Variants in SNX29 observed in about 807,000 individuals in gnomAD.
The protein encoded by SNX29 is sorting nexin 29.
A neutral mutation model predicts 102.1 loss-of-function variants in SNX29; 78 were observed. The observed-to-expected ratio is 0.76, with a 90% CI of 0.64 to 0.92. The LOEUF is 0.92. SNX29 is among the 40% of genes least tolerant of loss of function. The pLI is 0.00. For missense variants in SNX29, 1,280 were observed against 1,061.7 expected (o/e 1.21, Z -2.86); for synonymous variants, 580 against 414.5 (o/e 1.40, Z -4.85).
chr16:12,483,114 GTTTTT>G (rs574090459), intron 19 of SNX29, among the ~76,000 whole-genome samples: 13 of 66,214 alleles, frequency 2.0e-4, no homozygotes, highest in Admixed American at 6.2e-4. Context: ...AAGTTATTAA[GTTTTT>G]TTTTTTTTTT....
intron 20 of SNX29, chr16:12,556,610 G>A (rs955260864): frequency 7.2e-5 from 11 of 152,310 alleles, no homozygotes; most frequent in Admixed American, 2.6e-4. Flanking sequence ...TCTGAGGAAG[G>A]GTCAAGGCAA....
chr16:12,490,175 A>C (rs1179768599), intron 19 of SNX29, among the ~76,000 whole-genome samples: 1 of 152,182 alleles, frequency 6.6e-6, no homozygotes, highest in Non-Finnish European at 1.5e-5. Flanking sequence ...ATGGATTTTC[A>C]CAAAATGAAC....
At chr16:12,325,583 T>C (rs1234627494) in intron 15 of SNX29, among the ~76,000 whole-genome samples, 3 of 152,222 alleles carry the variant, frequency 2.0e-5, no homozygotes, top group Non-Finnish European at 4.4e-5. Flanking sequence ...GTGAAGCAGA[T>C]AAAATGCATT....
intron 18 of SNX29, among the ~76,000 whole-genome samples, chr16:12,429,185 A>G (rs2085210610): frequency 6.6e-6 from 1 of 152,260 alleles, no homozygotes; most frequent in Non-Finnish European, 1.5e-5. Context: ...TAGTCCCACC[A>G]CACAGATATG....
intron 18 of SNX29, among the ~76,000 whole-genome samples, chr16:12,468,039 G>A (rs1318946437): frequency 3.3e-5 from 5 of 151,790 alleles, no homozygotes; most frequent in Admixed American, 6.6e-5. Flanking sequence ...TGGATCCCTC[G>A]TCCTCCCTGC....
chr16:12,457,881 G>T (rs560760270), intron 18 of SNX29, among the ~76,000 whole-genome samples: 1 of 152,208 alleles, frequency 6.6e-6, no homozygotes, highest in Non-Finnish European at 1.5e-5. Context: ...ATTTGATTGC[G>T]TGGGGAGACA....
intron 15 of SNX29, among the ~76,000 whole-genome samples, chr16:12,298,546 T>G (rs2080056345): frequency 6.6e-6 from 1 of 152,240 alleles, no homozygotes; most frequent in Non-Finnish European, 1.5e-5. Context: ...CTCCTAGTGT[T>G]ACTGTGAAGA....
chr16:12,540,219 T>G (rs923768901), intron 20 of SNX29, among the ~76,000 whole-genome samples: 16 of 152,278 alleles, frequency 1.1e-4, no homozygotes, highest in African/African-American at 3.9e-4. Context: ...AAGGTTAACC[T>G]ACTTCCTGTG....
At chr16:12,309,806 G>A (rs1234985010) in intron 15 of SNX29, among the ~76,000 whole-genome samples, 1 of 152,210 alleles carries the variant, frequency 6.6e-6, no homozygotes, top group Non-Finnish European at 1.5e-5. Context: ...AGAAAGGGCA[G>A]TGGAGTTGAA....
chr16:12,314,188 G>A (rs528960562), intron 15 of SNX29, among the ~76,000 whole-genome samples: 9 of 152,250 alleles, frequency 5.9e-5, no homozygotes, highest in Non-Finnish European at 1.2e-4. Context: ...TTGTACAGCT[G>A]GGGTCTTTCT....
intron 16 of SNX29, chr16:12,375,377 G>A (rs902140976): frequency 1.3e-5 from 2 of 152,208 alleles, no homozygotes; most frequent in Non-Finnish European, 2.9e-5. Flanking sequence ...AGAGGAAAAA[G>A]GACATTTGGC....
intron 3 of SNX29, among the ~76,000 whole-genome samples, chr16:12,027,045 CTGTTCCCA>C (rs1365176105): frequency 1.2e-4 from 19 of 152,194 alleles, no homozygotes; most frequent in Non-Finnish European, 4.4e-5. Context: ...GCACCCGTCC[CTGTTCCCA>C]TGTTCCTTGT....
intron 3 of SNX29, among the ~76,000 whole-genome samples, chr16:12,021,443 T>C (rs2057018040): frequency 6.6e-6 from 1 of 151,512 alleles, no homozygotes; most frequent in African/African-American, 2.4e-5. Flanking sequence ...AAAAATCAAG[T>C]AAATAGGTCT....
At chr16:12,362,570 C>T (rs1456738254) in intron 16 of SNX29, among the ~76,000 whole-genome samples, 4 of 78,278 alleles carry the variant, frequency 5.1e-5, no homozygotes, top group Non-Finnish European at 9.2e-5. Context: ...CCACCCCCCC[C>T]CCCACCAGTT....
intron 18 of SNX29, among the ~76,000 whole-genome samples, chr16:12,435,895 A>G (rs1236395185): frequency 6.6e-6 from 1 of 152,116 alleles, no homozygotes; most frequent in Non-Finnish European, 1.5e-5. Context: ...GGATGGCAGG[A>G]AGCAGAGCTA....
At chr16:12,461,970 AAAAAAAAAATATATATAT>A (rs1257212936) in intron 18 of SNX29, among the ~76,000 whole-genome samples, 21 of 68,438 alleles carry the variant, frequency 3.1e-4, no homozygotes, top group African/African-American at 1.6e-3. Context: ...AAAAAAAAAA[AAAAAAAAAATATATATAT>A]ATATATATAT....
At chr16:12,059,154 T>C (rs1050137823) in intron 8 of SNX29, among the ~76,000 whole-genome samples, 3 of 152,172 alleles carry the variant, frequency 2.0e-5, no homozygotes, top group African/African-American at 7.2e-5. Context: ...GGGGCCTGGC[T>C]TCACCTTGTA....
intron 18 of SNX29, among the ~76,000 whole-genome samples, chr16:12,424,745 C>G (rs2084993608): frequency 6.6e-6 from 1 of 152,178 alleles, no homozygotes; most frequent in South Asian, 2.1e-4. Flanking sequence ...CAGACAGTAT[C>G]TTCTCCTCCG....
chr16:12,328,441 TCA>T (rs923336100), intron 15 of SNX29, among the ~76,000 whole-genome samples: 2 of 152,200 alleles, frequency 1.3e-5, no homozygotes, highest in African/African-American at 4.8e-5. Context: ...ACAATATTTT[TCA>T]CAGTGTTAAC....
Sources: gnomAD v4.1 joint callset for allele counts (sites outside exome capture counted in the v4.1 genomes callset) on GRCh38, gnomAD v4.1.1 for gene constraint, MANE v1.5 for transcripts, NCBI Gene and HGNC (gene_info 2026-07-23, HGNC 2026-07-21) for gene names.